The following RBFOX3 variants were observed in gnomAD, a reference collection of about 807,000 sequenced individuals.
RBFOX3 encodes the protein RNA binding protein fox-1 homolog 3.
RBFOX3 carries 17 observed loss-of-function variants against 48.7 expected under a neutral mutation model. That is an observed-to-expected ratio of 0.35 (90% CI 0.24 to 0.52). The LOEUF (loss-of-function observed/expected upper bound fraction) is 0.52, where lower values mean the gene tolerates loss of function less well. RBFOX3 is among the 20% of genes least tolerant of loss of function. The pLI is 0.94. For synonymous variants in RBFOX3, 212 were observed against 209.5 expected, an observed-to-expected ratio of 1.01 and a Z score of -0.10; for missense variants, 382 against 497.5, an observed-to-expected ratio of 0.77 and a Z score of 2.21.
At chr17:79,603,311 AC>A (rs1224882564) in intron 1 of RBFOX3, among the ~76,000 whole-genome samples, 60 of 151,864 alleles carry the variant, frequency 4.0e-4, no homozygotes, top group African/African-American at 1.4e-3. Flanking sequence ...TACTCTTGAC[AC>A]CCCGCTGGCA....
At chr17:79,624,186 T>C in the RBFOX3 span, among the ~76,000 whole-genome samples, 1 of 152,200 alleles carries the variant, frequency 6.6e-6, no homozygotes, top group East Asian at 1.9e-4. Flanking sequence ...ATCTACCACT[T>C]CTACACCAAG....
intron 1 of RBFOX3, among the ~76,000 whole-genome samples, chr17:79,610,490 C>T (rs1408051793): frequency 6.6e-6 from 1 of 151,736 alleles, no homozygotes; most frequent in Non-Finnish European, 1.5e-5. Flanking sequence ...GCCACTGCCA[C>T]CGCCACGCAG....
intron 2 of RBFOX3, among the ~76,000 whole-genome samples, chr17:79,395,769 C>G (rs938570639): frequency 2.0e-5 from 3 of 152,222 alleles, no homozygotes; most frequent in African/African-American, 7.2e-5. Flanking sequence ...TGAGCCGTGA[C>G]GTGACCAGGA....
chr17:79,420,123 TCTCATA>T (rs1288350478), intron 2 of RBFOX3, among the ~76,000 whole-genome samples: 1 of 62,050 alleles, frequency 1.6e-5, no homozygotes, highest in African/African-American at 7.2e-5. Context: ...CAAGACTCCG[TCTCATA>T]CACACACACA....
chr17:79,182,723 G>A lies in RBFOX3; in HGVS notation c.-34+53043C>T, dbSNP rs1417232639. Among the ~76,000 whole-genome samples the A allele has an allele frequency of 1.6e-5, 2 of 124,158 alleles. 1 individual carries two copies. The highest frequency in any genetic ancestry group is 5.2e-4 in the South Asian group (2 of 3,856). 81.5% of individuals were successfully genotyped at this position (124,158 alleles called of 152,430 possible). A position where few individuals can be genotyped will look rare whatever the true frequency, so the allele number is the denominator to read the frequency against. ...AAAGTCTGGCCCCAGCCCCCTCCCC[G>A]GCCAGAGCTCCTGGGGCCTCCCTCG... On this transcript the variant is annotated intron_variant, in intron 4 of 14. Transcript: ENST00000693108.
At chr17:79,359,098 A>G (rs2085798513) in intron 2 of RBFOX3, among the ~76,000 whole-genome samples, 1 of 152,172 alleles carries the variant, frequency 6.6e-6, no homozygotes, top group Admixed American at 6.5e-5. Flanking sequence ...AATCCTCTCT[A>G]CAACTGTATT....
At chr17:79,404,994 C>T (rs981622347) in intron 2 of RBFOX3, among the ~76,000 whole-genome samples, 1 of 152,196 alleles carries the variant, frequency 6.6e-6, no homozygotes, top group African/African-American at 2.4e-5. Context: ...TGCATCGGAT[C>T]GTCCCACCCA....
At chr17:79,155,295 C>A (rs2045531165) in intron 4 of RBFOX3, among the ~76,000 whole-genome samples, 1 of 152,182 alleles carries the variant, frequency 6.6e-6, no homozygotes, top group African/African-American at 2.4e-5. Context: ...GTACCCCCAG[C>A]AATCACTCAG....
intron 4 of RBFOX3, among the ~76,000 whole-genome samples, chr17:79,188,178 C>G (rs966632782): frequency 6.6e-6 from 1 of 152,212 alleles, no homozygotes; most frequent in Non-Finnish European, 1.5e-5. Flanking sequence ...CCACCTTCAC[C>G]GGCTGGCCTG....
chr17:79,265,077 T>C (rs1186167168), intron 3 of RBFOX3, among the ~76,000 whole-genome samples: 2 of 152,166 alleles, frequency 1.3e-5, no homozygotes, highest in South Asian at 2.1e-4. Flanking sequence ...CCCTGCCAGA[T>C]GCCACGCTCG....
At chr17:79,650,237 C>T in the RBFOX3 span, among the ~76,000 whole-genome samples, 1 of 152,140 alleles carries the variant, frequency 6.6e-6, no homozygotes, top group Non-Finnish European at 1.5e-5. Context: ...TCTCTCTAAT[C>T]ACCCAAAACA....
At position 79,440,873 on chromosome 17, in the gene RBFOX3, G is replaced by GTC. The variant is rs1214374165; in HGVS notation, c.-175+41579_-175+41580dup. Among the ~76,000 whole-genome samples the GTC allele has an allele frequency of 2.6e-5, 4 of 152,134 alleles. No individual in the cohort carries two copies. In the East Asian group the frequency reaches 7.7e-4, roughly 29 times the overall value. On this transcript the variant is annotated intron_variant, in intron 2 of 14. Transcript: ENST00000693108. ...GGGTTTGTCCCTCAGAGGCCTCCTG[G>GTC]TCTTCCCCACACCCCATACGAGGGG...
At chr17:79,425,812 G>A (rs2067254507) in intron 2 of RBFOX3, among the ~76,000 whole-genome samples, 1 of 152,202 alleles carries the variant, frequency 6.6e-6, no homozygotes, top group African/African-American at 2.4e-5. Flanking sequence ...AGTGGAGATG[G>A]GGAGGGCAGG....
chr17:79,202,221 C>T (rs11869752), intron 4 of RBFOX3, among the ~76,000 whole-genome samples: 3,191 of 152,154 alleles, frequency 0.021, 106 homozygotes, highest in African/African-American at 0.073. Context: ...TGCTCTGTCC[C>T]GCTGTATCAT....
At chr17:79,164,693 G>A (rs1324918218) in intron 4 of RBFOX3, among the ~76,000 whole-genome samples, 1 of 152,182 alleles carries the variant, frequency 6.6e-6, no homozygotes, top group East Asian at 1.9e-4. Flanking sequence ...GGCAGTGGAG[G>A]TCCCAAGTGG....
At chr17:79,637,520 C>T in the RBFOX3 span, among the ~76,000 whole-genome samples, 10 of 151,744 alleles carry the variant, frequency 6.6e-5, no homozygotes, top group African/African-American at 2.4e-4. Context: ...ATGGTGAAAC[C>T]CCGTTTCTAT....
intron 4 of RBFOX3, among the ~76,000 whole-genome samples, chr17:79,153,216 G>A (rs1195927305): frequency 6.6e-6 from 1 of 152,204 alleles, no homozygotes; most frequent in African/African-American, 2.4e-5. Flanking sequence ...GGCTGGGGGT[G>A]GGTGGCGGAC....
At chr17:79,620,364 C>T in the RBFOX3 span, among the ~76,000 whole-genome samples, 2 of 149,812 alleles carry the variant, frequency 1.3e-5, no homozygotes, top group Admixed American at 1.4e-4. Flanking sequence ...GACATGGACA[C>T]ACACGGACAT....
At chr17:79,097,668 T>TGCCCCCCC in intron 10 of RBFOX3, 24 bp downstream of exon 10, 2 of 1,010,928 alleles carry the variant, frequency 2.0e-6, no homozygotes, top group Non-Finnish European at 2.8e-6. Context: ...TCTCATCCCA[T>TGCCCCCCC]CCCCGCCCCG....
Sources: gnomAD v4.1 joint callset for allele counts (sites outside exome capture counted in the v4.1 genomes callset) on GRCh38, gnomAD v4.1.1 for gene constraint, MANE v1.5 for transcripts, NCBI Gene and HGNC (gene_info 2026-07-23, HGNC 2026-07-21) for gene names.